The following FAXC variants were observed in gnomAD, a reference collection of about 807,000 sequenced individuals.
FAXC encodes the protein failed axon connections homolog.
In FAXC, 10 loss-of-function variants were observed where a neutral mutation model predicts 41.9. The ratio of observed to expected loss-of-function variants is 0.24; its 90% CI spans 0.15 to 0.41. The LOEUF (loss-of-function observed/expected upper bound fraction) is 0.41. Among genes scored for constraint, FAXC ranks in the 10% least tolerant of loss-of-function variants. FAXC has a pLI of 1.00. For synonymous variants in FAXC, 183 were observed against 183.8 expected (o/e 1.00, Z 0.03); for missense variants, 399 against 510.9 (o/e 0.78, Z 2.11).
chr6:99,342,968 C>T lies in FAXC; in HGVS notation c.332G>A (p.Gly111Asp). ...ACAGAAAGGAGATAAACTTGGAACA[C>T]CATTGTTAGGTCTTGCAAACTGATG... ...ILHQFARPNN[G>D]VPSLSPFCLK... The change falls in exon 2 of 6, where the codon GGT (glycine) becomes GAT (aspartate). Residue 111 changes from glycine to aspartate, a missense_variant. Around this residue, in one of 3 missense-constraint regions of FAXC, gnomAD observed 239 missense variants for 352.7 expected, o/e 0.68. Transcript: ENST00000389677. 2 of 1,612,516 alleles carry T rather than the reference C, an allele frequency of 1.2e-6. No individual in the cohort carries two copies. Among genetic ancestry groups the T allele is most frequent in the Middle Eastern group, 1.7e-4 (1 of 6,048 alleles).
intron 4 of FAXC, among the ~76,000 whole-genome samples, chr6:99,306,474 A>C (rs1424859021): frequency 6.6e-6 from 1 of 152,208 alleles, no homozygotes; most frequent in Non-Finnish European, 1.5e-5. Context: ...GAATTTCTGC[A>C]GGCTCTGGGA....
chr6:99,342,504 C>T (rs1773462205), intron 2 of FAXC, among the ~76,000 whole-genome samples: 1 of 152,160 alleles, frequency 6.6e-6, no homozygotes, highest in Admixed American at 6.5e-5. Context: ...GCCACTAGCC[C>T]AGCCAATTTG....
At position 99,279,807 on chromosome 6, in the gene FAXC, T is replaced by A. The variant is rs1233913119; in HGVS notation, c.*1357A>T. On this transcript the variant is annotated 3_prime_UTR_variant, in exon 6 of 6. Transcript: ENST00000389677. ...ATGAGACAGCAAAAACATTAAGACTTGTTCTCAGCATTGCTCTCCTCTCAC... is the reference window on the plus strand; with the variant it reads ...ATGAGACAGCAAAAACATTAAGACTAGTTCTCAGCATTGCTCTCCTCTCAC... 1 of 152,248 alleles carries A rather than the reference T, an allele frequency of 6.6e-6. No individual in the cohort carries two copies. The highest frequency in any genetic ancestry group is 1.5e-5 in the Non-Finnish European group (1 of 68,058). 9.4% of individuals were successfully genotyped at this position (152,248 alleles called of 1,614,324 possible).
At chr6:99,345,916 A>C (rs1055511021) in intron 1 of FAXC, among the ~76,000 whole-genome samples, 1 of 152,236 alleles carries the variant, frequency 6.6e-6, no homozygotes, top group Non-Finnish European at 1.5e-5. Context: ...GCTAAAAAAC[A>C]TGGATAAAAC....
intron 4 of FAXC, among the ~76,000 whole-genome samples, chr6:99,322,264 A>C (rs1772622654): frequency 6.6e-6 from 1 of 152,140 alleles, no homozygotes; most frequent in Non-Finnish European, 1.5e-5. Context: ...TGGTACTGGG[A>C]TCTGCCCTCT....
intron 4 of FAXC, among the ~76,000 whole-genome samples, chr6:99,309,154 G>A (rs1422036708): frequency 6.6e-6 from 1 of 152,030 alleles, no homozygotes; most frequent in East Asian, 1.9e-4. Flanking sequence ...CATAAGGGAT[G>A]TGTACTCATA....
intron 2 of FAXC, among the ~76,000 whole-genome samples, chr6:99,341,237 A>G (rs1382482271): frequency 6.6e-6 from 1 of 152,188 alleles, no homozygotes; most frequent in Non-Finnish European, 1.5e-5. Flanking sequence ...ATTTAAAATG[A>G]AGTATAGTAA....
At chr6:99,336,886 T>C (rs867772196) in intron 2 of FAXC, among the ~76,000 whole-genome samples, 8 of 152,160 alleles carry the variant, frequency 5.3e-5, no homozygotes, top group African/African-American at 1.4e-4. Flanking sequence ...AGAATACCCA[T>C]AGGTTTCAGG....
chr6:99,325,719 G>C (rs1772777360), intron 3 of FAXC, among the ~76,000 whole-genome samples: 1 of 152,000 alleles, frequency 6.6e-6, no homozygotes, highest in Non-Finnish European at 1.5e-5. Flanking sequence ...ATTGTATTAG[G>C]TCTAAATTCA....
At chr6:99,298,774 T>G (rs531111173) in intron 4 of FAXC, among the ~76,000 whole-genome samples, 106 of 152,328 alleles carry the variant, frequency 7.0e-4, no homozygotes, top group Non-Finnish European at 1.3e-3. Context: ...TGTGAAAGCA[T>G]TTTGCAAGCT....
chr6:99,296,057 G>A (rs1405884411), intron 4 of FAXC, among the ~76,000 whole-genome samples: 1 of 152,018 alleles, frequency 6.6e-6, no homozygotes, highest in Non-Finnish European at 1.5e-5. Context: ...ATGTAAGTAT[G>A]CACTAATGGA....
At position 99,279,362 on chromosome 6, in the gene FAXC, C is replaced by T. The variant is rs1770741880; in HGVS notation, c.*1802G>A. ...CAGTTACATATGCCCTACACAATTG[C>T]TTAAGTGGTAAGCAGTCTGAAAAAC... On this transcript the variant is annotated 3_prime_UTR_variant, in exon 6 of 6. Coordinates refer to ENST00000389677, the MANE Select transcript of FAXC (RefSeq NM_032511.4). The T allele has an allele frequency of 6.6e-6, 1 of 152,058 alleles. No individual in the cohort carries two copies. The highest frequency in any genetic ancestry group is 6.5e-5 in the Admixed American group (1 of 15,274). The allele number at this position is 152,058 out of a possible 1,614,324, so 9.4% of individuals were successfully genotyped here.
chr6:99,305,464 A>G (rs1771882988), intron 4 of FAXC, among the ~76,000 whole-genome samples: 1 of 152,054 alleles, frequency 6.6e-6, no homozygotes, highest in Non-Finnish European at 1.5e-5. Context: ...ATTAGTCATG[A>G]TCTCAGGTAA....
At chr6:99,333,047 G>T (rs1319536477) in intron 3 of FAXC, among the ~76,000 whole-genome samples, 1 of 152,196 alleles carries the variant, frequency 6.6e-6, no homozygotes, top group African/African-American at 2.4e-5. Context: ...ATGCTCATTT[G>T]TTGGCATACT....
chr6:99,314,700 A>G (rs1240132369), intron 4 of FAXC, among the ~76,000 whole-genome samples: 1 of 152,202 alleles, frequency 6.6e-6, no homozygotes, highest in Non-Finnish European at 1.5e-5. Flanking sequence ...GTTACACATA[A>G]GACTGTGAGC....
intron 2 of FAXC, among the ~76,000 whole-genome samples, chr6:99,334,192 T>C (rs1306173059): frequency 1.6e-4 from 25 of 152,198 alleles, no homozygotes; most frequent in Admixed American, 1.6e-3. Context: ...TTGTCATTGG[T>C]AGAGAGAATA....
chr6:99,304,637 A>G (rs1048112411), intron 4 of FAXC, among the ~76,000 whole-genome samples: 3 of 152,218 alleles, frequency 2.0e-5, no homozygotes, highest in African/African-American at 7.2e-5. Context: ...AACATTGTGG[A>G]TTGCCTCAAC....
chr6:99,341,141 T>C (rs1263447823), intron 2 of FAXC, among the ~76,000 whole-genome samples: 1 of 152,098 alleles, frequency 6.6e-6, no homozygotes, highest in East Asian at 1.9e-4. Flanking sequence ...CAAATTTGGG[T>C]CTTAAGAGTA....
At chr6:99,300,103 C>A (rs1337003983) in intron 4 of FAXC, among the ~76,000 whole-genome samples, 2 of 152,142 alleles carry the variant, frequency 1.3e-5, no homozygotes, top group Non-Finnish European at 2.9e-5. Context: ...TCACTGGCCA[C>A]CAATACCACC....
Sources: allele counts gnomAD v4.1 joint callset (sites outside exome capture counted in the v4.1 genomes callset), GRCh38; gene constraint gnomAD v4.1.1; regional missense constraint gnomAD v4.1.1; transcripts MANE v1.5; gene names NCBI Gene and HGNC (gene_info 2026-07-23, HGNC 2026-07-21).